The following KAZN variants were observed in gnomAD, a reference collection of about 807,000 sequenced individuals.
KAZN encodes kazrin.
Under a neutral mutation model 87.4 loss-of-function variants are expected in KAZN, and 40 were observed. The observed-to-expected ratio is 0.46, with a 90% CI of 0.36 to 0.60. KAZN has a LOEUF of 0.60. KAZN is among the 20% of genes least tolerant of loss of function. The pLI, the probability that KAZN is intolerant of heterozygous loss-of-function variation, is 0.00. For missense variants in KAZN, 898 were observed against 1,073.9 expected, an observed-to-expected ratio of 0.84 and a Z score of 2.29; for synonymous variants, 466 against 458.3, an observed-to-expected ratio of 1.02 and a Z score of -0.22.
chr1:15,072,236 A>G (rs116169500), intron 8 of KAZN, among the ~76,000 whole-genome samples: 128 of 152,268 alleles, frequency 8.4e-4, no homozygotes, highest in African/African-American at 3.0e-3. Context: ...CATGATTACT[A>G]TTCTCTGTGA....
intron 2 of KAZN, among the ~76,000 whole-genome samples, chr1:14,386,987 A>G (rs190015092): frequency 5.9e-5 from 9 of 152,202 alleles, no homozygotes; most frequent in South Asian, 4.2e-4. Context: ...ACATCGTCCC[A>G]TATTTCTTGG....
At position 14,288,476 on chromosome 1, in the gene KAZN, A is replaced by C. The variant is rs1170091825; in HGVS notation, c.249+107884A>C. 2.6e-5 allele frequency among the ~76,000 whole-genome samples: 4 copies of C among 152,264 alleles called. No individual in the cohort carries two copies. In the East Asian group the frequency reaches 7.7e-4, roughly 29 times the overall value. ...CTAGTTTATTTGCCTAGAGGTGTTT[A>C]TAGTATTCTCTGATGGTAGTTTGTA... On this transcript the variant is annotated intron_variant, in intron 2 of 16. Coordinates refer to the KAZN transcript ENST00000636203.
At chr1:14,362,234 G>A (rs1490788241) in intron 2 of KAZN, among the ~76,000 whole-genome samples, 1 of 152,176 alleles carries the variant, frequency 6.6e-6, no homozygotes, top group Non-Finnish European at 1.5e-5. Context: ...TCACTTCTAA[G>A]TTAACATAGT....
chr1:13,973,178 C>T (rs138086814), intron 1 of KAZN, among the ~76,000 whole-genome samples: 6 of 152,078 alleles, frequency 3.9e-5, no homozygotes, highest in South Asian at 4.1e-4. Flanking sequence ...TTATTCCAGA[C>T]GATGTACTAA....
intron 1 of KAZN, among the ~76,000 whole-genome samples, chr1:13,922,347 C>G (rs2100905990): frequency 6.6e-6 from 1 of 152,258 alleles, no homozygotes; most frequent in Non-Finnish European, 1.5e-5. Context: ...GTTTACTGAT[C>G]CCCTGGCCTC....
At chr1:15,025,184 T>C (rs764093576) in intron 2 of KAZN, among the ~76,000 whole-genome samples, 6 of 151,996 alleles carry the variant, frequency 3.9e-5, no homozygotes, top group Non-Finnish European at 7.4e-5. Context: ...AGGTTGGGAG[T>C]GGACATGAAA....
chr1:14,698,399 C>A (rs2148799010), intron 1 of KAZN, among the ~76,000 whole-genome samples: 1 of 152,316 alleles, frequency 6.6e-6, no homozygotes, highest in Non-Finnish European at 1.5e-5. Context: ...CTCCACCGTC[C>A]CATCTGGCCC....
At chr1:14,441,374 C>T (rs930643354) in intron 2 of KAZN, among the ~76,000 whole-genome samples, 7 of 152,090 alleles carry the variant, frequency 4.6e-5, no homozygotes, top group Admixed American at 2.0e-4. Flanking sequence ...GCAGCGGCAG[C>T]GGCAGCAGCA....
At chr1:14,580,515 T>TAAAG (rs1675480427) in intron 2 of KAZN, among the ~76,000 whole-genome samples, 1 of 114,412 alleles carries the variant, frequency 8.7e-6, no homozygotes, top group African/African-American at 3.1e-5. Context: ...AATAAATAAA[T>TAAAG]AAAGTATATT....
At chr1:13,917,260 T>C (rs527545377) in intron 1 of KAZN, among the ~76,000 whole-genome samples, 3 of 152,312 alleles carry the variant, frequency 2.0e-5, no homozygotes, top group African/African-American at 7.2e-5. Context: ...ATCCAGAATA[T>C]CAAGCTAAGG....
intron 2 of KAZN, among the ~76,000 whole-genome samples, chr1:14,419,654 T>C (rs1186509761): frequency 6.6e-6 from 1 of 152,348 alleles, no homozygotes; most frequent in African/African-American, 2.4e-5. Context: ...TTTTCGGATG[T>C]GTTCAGAGTT....
chr1:14,273,240 C>CCCT (rs1652091128), intron 2 of KAZN, among the ~76,000 whole-genome samples: 1 of 151,892 alleles, frequency 6.6e-6, no homozygotes, highest in Non-Finnish European at 1.5e-5. Context: ...GCTTCCTGGA[C>CCCT]CCTACCTGGA....
At chr1:14,206,911 G>A (rs150696314) in intron 2 of KAZN, among the ~76,000 whole-genome samples, 108 of 151,480 alleles carry the variant, frequency 7.1e-4, no homozygotes, top group Admixed American at 4.6e-3. Context: ...ATAAATGGTA[G>A]AGTAAATGAT....
intron 8 of KAZN, among the ~76,000 whole-genome samples, chr1:15,075,603 G>A (rs563479091): frequency 3.9e-5 from 6 of 152,190 alleles, no homozygotes; most frequent in Non-Finnish European, 8.8e-5. Flanking sequence ...ATTTAGCCAT[G>A]AGAAGTCTCT....
intron 1 of KAZN, among the ~76,000 whole-genome samples, chr1:13,909,530 T>A (rs1639573136): frequency 6.6e-6 from 1 of 151,968 alleles, no homozygotes; most frequent in Non-Finnish European, 1.5e-5. Context: ...CACAAAATGG[T>A]CTTCTTGCAC....
At chr1:14,793,350 C>T (rs1198598621) in intron 1 of KAZN, among the ~76,000 whole-genome samples, 1 of 151,380 alleles carries the variant, frequency 6.6e-6, no homozygotes, top group South Asian at 2.1e-4. Context: ...TTTCCACATG[C>T]ACGGCACGTC....
chr1:14,558,125 C>A (rs960096355), intron 2 of KAZN, among the ~76,000 whole-genome samples: 8 of 152,198 alleles, frequency 5.3e-5, no homozygotes, highest in Non-Finnish European at 1.2e-4. Flanking sequence ...CAGATTAAAA[C>A]AATGCCAGCC....
chr1:15,071,727 A>G (rs1639516154), intron 8 of KAZN, among the ~76,000 whole-genome samples: 1 of 152,214 alleles, frequency 6.6e-6, no homozygotes, highest in African/African-American at 2.4e-5. Flanking sequence ...ATCTTGGCCT[A>G]TTCATCCTGA....
Position 15,039,322 on chromosome 1 carries a change from A to G in KAZN, c.555+4437A>G, listed in dbSNP as rs1390427689. On this transcript the variant is annotated intron_variant, in intron 3 of 14. Coordinates refer to ENST00000376030, the MANE Select transcript of KAZN (RefSeq NM_201628.3). Reference sequence around the variant, plus strand: ...AGGGGTAGAGGCAGGATGCAAACCCAGGAGGTCTAGTCCCAGAGCCCCAGC... The same window carrying G: ...AGGGGTAGAGGCAGGATGCAAACCCGGGAGGTCTAGTCCCAGAGCCCCAGC... Among the ~76,000 whole-genome samples the G allele has an allele frequency of 3.3e-5, 5 of 152,192 alleles. No individual in the cohort carries two copies. The East Asian group carries it at 9.7e-4, about 29-fold the overall frequency.
Sources: gnomAD v4.1 joint callset for allele counts (sites outside exome capture counted in the v4.1 genomes callset) on GRCh38, gnomAD v4.1.1 for gene constraint, MANE v1.5 for transcripts, NCBI Gene and HGNC (gene_info 2026-07-23, HGNC 2026-07-21) for gene names.